HDAC9: variants seen among roughly 807,000 people sequenced by gnomAD.
HDAC9 encodes MEF-2 interacting transcription repressor (MITR) protein.
Under a neutral mutation model 139.4 loss-of-function variants are expected in HDAC9, and 41 were observed. The observed-to-expected ratio is 0.29, with a 90% CI of 0.23 to 0.38. The LOEUF (loss-of-function observed/expected upper bound fraction) is 0.38, where lower values mean the gene tolerates loss of function less well. Among genes scored for constraint, HDAC9 ranks in the 10% least tolerant of loss-of-function variants. HDAC9 has a pLI of 1.00. For missense variants in HDAC9, 1,147 were observed against 1,297.0 expected (o/e 0.88, Z 1.78); for synonymous variants, 517 against 476.2 (o/e 1.09, Z -1.12).
intron 16 of HDAC9, among the ~76,000 whole-genome samples, chr7:18,784,399 C>T (rs1231083510): frequency 6.6e-6 from 1 of 151,618 alleles, no homozygotes; most frequent in Non-Finnish European, 1.5e-5. Context: ...TTTTTTACAA[C>T]CTAGTAAACA....
At chr7:18,606,057 T>G (rs529298159) in intron 6 of HDAC9, among the ~76,000 whole-genome samples, 2 of 152,322 alleles carry the variant, frequency 1.3e-5, no homozygotes, top group African/African-American at 4.8e-5. Flanking sequence ...TCATTAAAAT[T>G]ACCTCATTTA....
chr7:18,456,251 T>C (rs764399335), intron 1 of HDAC9, among the ~76,000 whole-genome samples: 2 of 152,198 alleles, frequency 1.3e-5, no homozygotes, highest in African/African-American at 4.8e-5. Flanking sequence ...TGGTTGATTT[T>C]TTTGAGATAG....
intron 17 of HDAC9, among the ~76,000 whole-genome samples, chr7:18,819,484 A>G (rs186361548): frequency 2.6e-5 from 4 of 152,226 alleles, no homozygotes; most frequent in Non-Finnish European, 5.9e-5. Flanking sequence ...AGACTAGTCT[A>G]AAATGATCAG....
chr7:18,861,540 A>C (rs543226291), intron 21 of HDAC9, among the ~76,000 whole-genome samples: 1 of 152,264 alleles, frequency 6.6e-6, no homozygotes, highest in Non-Finnish European at 1.5e-5. Context: ...TAATATAAAT[A>C]CACTAATACT....
intron 2 of HDAC9, among the ~76,000 whole-genome samples, chr7:18,515,613 A>G (rs1259590264): frequency 2.6e-5 from 4 of 152,230 alleles, no homozygotes; most frequent in Non-Finnish European, 4.4e-5. Flanking sequence ...ATCAAAGAGC[A>G]TTATAATTTT....
chr7:18,826,994 T>G (rs1425377256), intron 17 of HDAC9, among the ~76,000 whole-genome samples: 4 of 151,996 alleles, frequency 2.6e-5, no homozygotes, highest in Non-Finnish European at 5.9e-5. Flanking sequence ...GCTGCACAGC[T>G]GTAATCCCAG....
chr7:18,277,183 G>C (rs995087834), intron 2 of HDAC9, among the ~76,000 whole-genome samples: 1 of 125,260 alleles, frequency 8.0e-6, no homozygotes, highest in Non-Finnish European at 1.9e-5. Flanking sequence ...TTTAGTGTGA[G>C]AAGGAGATAG....
At chr7:18,351,163 A>T (rs1321874816) in intron 1 of HDAC9, among the ~76,000 whole-genome samples, 1 of 152,164 alleles carries the variant, frequency 6.6e-6, no homozygotes, top group Non-Finnish European at 1.5e-5. Context: ...TATTTCAAAA[A>T]CACTAAACAG....
At chr7:18,524,276 C>T (rs559043088) in intron 2 of HDAC9, among the ~76,000 whole-genome samples, 1 of 152,178 alleles carries the variant, frequency 6.6e-6, no homozygotes, top group South Asian at 2.1e-4. Flanking sequence ...TATTAATACT[C>T]TAAGAGAACT....
chr7:18,283,068 T>C (rs1373262090), intron 2 of HDAC9, among the ~76,000 whole-genome samples: 2 of 151,918 alleles, frequency 1.3e-5, no homozygotes, highest in Non-Finnish European at 2.9e-5. Context: ...GAAGAGTGTA[T>C]TAGTCTGTTT....
intron 2 of HDAC9, chr7:18,496,804 G>C (rs1281313183): frequency 6.5e-6 from 1 of 152,910 alleles, no homozygotes; most frequent in Non-Finnish European, 1.5e-5. Context: ...TTGCCACAGA[G>C]TTATAAAGGT....
intron 1 of HDAC9, among the ~76,000 whole-genome samples, chr7:18,488,192 A>G (rs1449041149): frequency 6.6e-6 from 1 of 152,040 alleles, no homozygotes. Context: ...TGATCCTGTG[A>G]ACACCTTGTA....
intron 1 of HDAC9, among the ~76,000 whole-genome samples, chr7:18,296,623 G>C (rs899857626): frequency 6.6e-6 from 1 of 152,116 alleles, no homozygotes; most frequent in Admixed American, 6.6e-5. Context: ...CCCAAACGAA[G>C]TATGAAATTA....
At chr7:18,193,443 C>G (rs1387051611) in intron 2 of HDAC9, among the ~76,000 whole-genome samples, 1 of 152,154 alleles carries the variant, frequency 6.6e-6, no homozygotes, top group East Asian at 1.9e-4. Context: ...AAATTATTCT[C>G]TCCCTTTGCT....
intron 21 of HDAC9, among the ~76,000 whole-genome samples, chr7:18,843,347 C>T (rs1488655080): frequency 1.3e-5 from 2 of 151,996 alleles, no homozygotes; most frequent in Admixed American, 6.6e-5. Context: ...TATTGTGGAG[C>T]ATTTTAAGGC....
intron 22 of HDAC9, among the ~76,000 whole-genome samples, chr7:18,893,212 G>T (rs750143825): frequency 6.6e-6 from 1 of 152,012 alleles, no homozygotes; most frequent in African/African-American, 2.4e-5. Context: ...GCTGTAAACC[G>T]TAAGCTACAG....
chr7:18,914,207 A>G (rs1802990881), intron 22 of HDAC9, among the ~76,000 whole-genome samples: 1 of 151,478 alleles, frequency 6.6e-6, no homozygotes, highest in African/African-American at 2.4e-5. Flanking sequence ...ATCTCCTATC[A>G]ATCTGATTTT....
intron 22 of HDAC9, among the ~76,000 whole-genome samples, chr7:18,876,436 A>G (rs184083504): frequency 1.1e-3 from 165 of 152,284 alleles, no homozygotes; most frequent in Non-Finnish European, 2.1e-3. Context: ...ATTTTAAGTG[A>G]TATCATACTT....
intron 2 of HDAC9, among the ~76,000 whole-genome samples, chr7:18,242,734 C>G (rs2128190925): frequency 6.6e-6 from 1 of 152,184 alleles, no homozygotes; most frequent in Non-Finnish European, 1.5e-5. Context: ...TCTACTATAT[C>G]TCCACTTCAG....
Sources: gnomAD v4.1 joint callset for allele counts (sites outside exome capture counted in the v4.1 genomes callset) on GRCh38, gnomAD v4.1.1 for gene constraint, MANE v1.5 for transcripts, NCBI Gene and HGNC (gene_info 2026-07-23, HGNC 2026-07-21) for gene names.